RGS6: variants seen among roughly 807,000 people sequenced by gnomAD.
RGS6 encodes the protein regulator of G protein signaling 6.
In RGS6, 30 loss-of-function variants were observed where a neutral mutation model predicts 78.5. The ratio of observed to expected loss-of-function variants is 0.38; its 90% confidence interval spans 0.29 to 0.52. The LOEUF (loss-of-function observed/expected upper bound fraction) is 0.52, where lower values mean the gene tolerates loss of function less well. Among genes scored for constraint, RGS6 ranks in the 20% least tolerant of loss-of-function variants. The probability of loss-of-function intolerance (pLI) is 0.85; values close to 1 mark genes in which losing one functional copy is unlikely to be tolerated. For synonymous variants in RGS6, 206 were observed against 206.0 expected, an observed-to-expected ratio of 1.00 and a Z score of 0.00; for missense variants, 495 against 609.7, an observed-to-expected ratio of 0.81 and a Z score of 1.98.
intron 17 of RGS6, among the ~76,000 whole-genome samples, chr14:72,559,504 G>A (rs1018289670): frequency 1.3e-5 from 2 of 152,230 alleles, no homozygotes; most frequent in Non-Finnish European, 2.9e-5. Context: ...TTGCAGCTGG[G>A]CTGAGCTGCC....
chr14:71,956,074 G>A (rs942516378), intron 1 of RGS6, among the ~76,000 whole-genome samples: 75 of 152,294 alleles, frequency 4.9e-4, no homozygotes, highest in Non-Finnish European at 1.2e-4. Context: ...TCTCAGAAAG[G>A]GAGAAACAAG....
At chr14:72,282,291 G>A (rs1462319024) in intron 2 of RGS6, among the ~76,000 whole-genome samples, 1 of 152,158 alleles carries the variant, frequency 6.6e-6, no homozygotes, top group Non-Finnish European at 1.5e-5. Flanking sequence ...TTGTGACCAA[G>A]TACCAAGTGA....
intron 12 of RGS6, among the ~76,000 whole-genome samples, chr14:72,494,438 CAT>C (rs1036381711): frequency 1.2e-4 from 18 of 151,974 alleles, no homozygotes; most frequent in Middle Eastern, 3.4e-3. Context: ...TTAGAAAAAA[CAT>C]AAGGTGGAAA....
chr14:72,425,995 T>C (rs1486866152), intron 3 of RGS6, among the ~76,000 whole-genome samples: 1 of 152,204 alleles, frequency 6.6e-6, no homozygotes, highest in Non-Finnish European at 1.5e-5. Flanking sequence ...TTTTCTTCTT[T>C]TTGCTTAGCT....
At chr14:72,381,715 A>G (rs2086164158) in intron 3 of RGS6, among the ~76,000 whole-genome samples, 1 of 152,158 alleles carries the variant, frequency 6.6e-6, no homozygotes, top group African/African-American at 2.4e-5. Context: ...TTATCTCAGG[A>G]TGAAAGTTTG....
At chr14:72,555,817 A>G (rs1333450036) in intron 17 of RGS6, among the ~76,000 whole-genome samples, 1 of 152,268 alleles carries the variant, frequency 6.6e-6, no homozygotes, top group African/African-American at 2.4e-5. Context: ...AATGCCTCGC[A>G]TGCTTGACAG....
the RGS6 span, among the ~76,000 whole-genome samples, chr14:71,879,378 C>G: frequency 2.0e-5 from 3 of 152,166 alleles, no homozygotes; most frequent in Admixed American, 2.0e-4. Context: ...TTGACTTAAC[C>G]TCTCTGAACA....
chr14:72,233,579 G>A (rs971527415), intron 2 of RGS6, among the ~76,000 whole-genome samples: 2 of 152,192 alleles, frequency 1.3e-5, no homozygotes, highest in Non-Finnish European at 2.9e-5. Flanking sequence ...GTTCTGGGTT[G>A]ATTCTTTGTA....
At chr14:72,034,585 G>A (rs1596374795) in intron 2 of RGS6, among the ~76,000 whole-genome samples, 1 of 152,004 alleles carries the variant, frequency 6.6e-6, no homozygotes. Context: ...ATTTTGTTAC[G>A]AATGTTTGCA....
chr14:72,155,266 A>T (rs950329956), intron 2 of RGS6, among the ~76,000 whole-genome samples: 1 of 152,214 alleles, frequency 6.6e-6, no homozygotes, highest in Non-Finnish European at 1.5e-5. Context: ...ACAGTAGGGC[A>T]TCCTGTTCCC....
intron 2 of RGS6, among the ~76,000 whole-genome samples, chr14:72,163,854 G>A (rs2096887005): frequency 6.8e-6 from 1 of 147,490 alleles, no homozygotes; most frequent in Non-Finnish European, 1.5e-5. Context: ...CTGCACTCCA[G>A]CCTGGGCAAC....
intron 2 of RGS6, among the ~76,000 whole-genome samples, chr14:72,323,994 T>C (rs2072971739): frequency 2.0e-5 from 3 of 151,964 alleles, no homozygotes; most frequent in African/African-American, 7.2e-5. Context: ...TTAGGGTAAA[T>C]AGAGTATCCA....
intron 2 of RGS6, among the ~76,000 whole-genome samples, chr14:72,122,853 C>T (rs2096087541): frequency 6.6e-6 from 1 of 151,374 alleles, no homozygotes; most frequent in African/African-American, 2.4e-5. Context: ...CCAGACATTT[C>T]CTAGTTATAT....
At chr14:72,218,685 C>T (rs1040103135) in intron 2 of RGS6, among the ~76,000 whole-genome samples, 1 of 152,108 alleles carries the variant, frequency 6.6e-6, no homozygotes, top group Admixed American at 6.6e-5. Context: ...GATCTTAGCT[C>T]ACTGCAACCT....
chr14:72,447,180 G>T (rs368238399), intron 3 of RGS6, among the ~76,000 whole-genome samples: 29 of 152,164 alleles, frequency 1.9e-4, no homozygotes, highest in African/African-American at 7.0e-4. Context: ...AGAAGAGGGT[G>T]TTGGGATGGA....
chr14:72,393,931 G>T (rs566332878), intron 3 of RGS6, among the ~76,000 whole-genome samples: 2 of 152,144 alleles, frequency 1.3e-5, no homozygotes, highest in African/African-American at 4.8e-5. Context: ...GTCTTCTGGC[G>T]TATGCTGACA....
rs766902182 is a variant in RGS6 at position 72,541,642 on chromosome 14, CTGTT to C, written c.1422+1552_1422+1555del. 176 of 1,533,782 alleles carry C rather than the reference CTGTT, an allele frequency of 1.1e-4. 1 individual carries two copies. Among genetic ancestry groups the C allele is most frequent in the South Asian group, 2.5e-4 (21 of 83,938 alleles). ...GAAGGTAGTGGGATCCCATCTCTCT[CTGTT>C]TGTCTCTTTTGAGGACTGGCTACTG... On this transcript the variant is annotated intron_variant, in intron 17 of 17. Transcript: ENST00000553525.
chr14:72,508,536 C>T (rs2096837753), intron 13 of RGS6, among the ~76,000 whole-genome samples: 1 of 136,562 alleles, frequency 7.3e-6, no homozygotes, highest in Admixed American at 7.6e-5. Context: ...TATTTGCTTT[C>T]CCAAGCTTTC....
At chr14:71,891,338 C>G in the RGS6 span, among the ~76,000 whole-genome samples, 2 of 152,090 alleles carry the variant, frequency 1.3e-5, no homozygotes, top group Non-Finnish European at 2.9e-5. Flanking sequence ...CTGAAGGTCC[C>G]CCTGGACTGC....
Sources: allele counts gnomAD v4.1 joint callset (sites outside exome capture counted in the v4.1 genomes callset), GRCh38; gene constraint gnomAD v4.1.1; transcripts MANE v1.5; gene names NCBI Gene and HGNC (gene_info 2026-07-23, HGNC 2026-07-21).